DNM3: variants seen among roughly 807,000 people sequenced by gnomAD.
DNM3 encodes dynamin 3.
DNM3 carries 47 observed loss-of-function variants against 101.6 expected under a neutral mutation model. That is an observed-to-expected ratio of 0.46 (90% CI 0.37 to 0.59). DNM3 has a LOEUF of 0.59. DNM3 is among the 20% of genes least tolerant of loss of function. The probability of loss-of-function intolerance (pLI) is 0.00; values close to 1 mark genes in which losing one functional copy is unlikely to be tolerated. For synonymous variants in DNM3, 385 were observed against 387.9 expected, an observed-to-expected ratio of 0.99 and a Z score of 0.09; for missense variants, 849 against 1,085.7, an observed-to-expected ratio of 0.78 and a Z score of 3.06.
chr1:171,968,855 T>C (rs1042619052), intron 2 of DNM3, among the ~76,000 whole-genome samples: 1 of 152,208 alleles, frequency 6.6e-6, no homozygotes, highest in African/African-American at 2.4e-5. Flanking sequence ...GATTGCTATA[T>C]AAAGGTGCAT....
intron 10 of DNM3, among the ~76,000 whole-genome samples, chr1:172,058,823 G>A (rs2050881950): frequency 6.6e-6 from 1 of 151,768 alleles, no homozygotes; most frequent in African/African-American, 2.4e-5. Flanking sequence ...AAAGCTAGCA[G>A]AAGGCAAGAA....
chr1:172,210,649 A>G (rs1479050900), intron 14 of DNM3, among the ~76,000 whole-genome samples: 1 of 152,188 alleles, frequency 6.6e-6, no homozygotes, highest in Non-Finnish European at 1.5e-5. Context: ...AATGTGAAAC[A>G]AAACACTAAG....
At chr1:172,173,598 G>T (rs1192316219) in intron 14 of DNM3, among the ~76,000 whole-genome samples, 1 of 150,970 alleles carries the variant, frequency 6.6e-6, no homozygotes, top group African/African-American at 2.4e-5. Context: ...CAAAGCACTG[G>T]GATTATAGGC....
At chr1:172,278,155 G>C (rs144344759) in intron 15 of DNM3, among the ~76,000 whole-genome samples, 1 of 152,140 alleles carries the variant, frequency 6.6e-6, no homozygotes, top group African/African-American at 2.4e-5. Context: ...AAATGACAAA[G>C]CACTTATGAA....
chr1:172,372,004 T>C (rs1000524680), intron 17 of DNM3, among the ~76,000 whole-genome samples: 1 of 149,162 alleles, frequency 6.7e-6, no homozygotes, highest in Non-Finnish European at 1.5e-5. Flanking sequence ...CATGCTGGTG[T>C]GCTGCACCCA....
rs754885380 is a variant in DNM3, at chr1:172,379,003, TTTCTC to T, written c.1894-10_1894-6del. 5.6e-6 allele frequency: 9 copies of T among 1,605,108 alleles called. No homozygotes were observed. In the Admixed American group the frequency reaches 1.4e-4, roughly 24 times the overall value. On this transcript the variant is annotated splice_polypyrimidine_tract_variant and intron_variant, in intron 17 of 20. Coordinates refer to ENST00000627582, the MANE Select transcript of DNM3 (RefSeq NM_015569.5). ...GAATATGAGATAATCCATGGTTTGTTTTCTCTTCTTTTAGGCTGAAAATGATGAGA... is the reference window on the plus strand; with the variant it reads ...GAATATGAGATAATCCATGGTTTGTTTTCTTTTAGGCTGAAAATGATGAGA...
chr1:171,988,466 G>A (rs1225640281), intron 3 of DNM3, among the ~76,000 whole-genome samples: 1 of 151,910 alleles, frequency 6.6e-6, no homozygotes, highest in East Asian at 1.9e-4. Context: ...TTGTACAGCT[G>A]ATTCAGTAAA....
intron 15 of DNM3, among the ~76,000 whole-genome samples, chr1:172,305,407 A>T (rs2064749869): frequency 6.6e-6 from 1 of 152,220 alleles, no homozygotes; most frequent in African/African-American, 2.4e-5. Flanking sequence ...TACCAACCAA[A>T]AAAGTCCAAA....
chr1:172,029,351 A>T (rs1208310622), intron 4 of DNM3, among the ~76,000 whole-genome samples: 1 of 152,192 alleles, frequency 6.6e-6, no homozygotes, highest in African/African-American at 2.4e-5. Flanking sequence ...TACAAAATTC[A>T]ACATCCCTTC....
At chr1:171,905,165 A>G (rs2038715579) in intron 1 of DNM3, among the ~76,000 whole-genome samples, 1 of 152,200 alleles carries the variant, frequency 6.6e-6, no homozygotes, top group Admixed American at 6.5e-5. Flanking sequence ...ATGTGCGTAC[A>G]TTCATTCATA....
At chr1:172,093,038 T>C (rs944213714) in intron 13 of DNM3, among the ~76,000 whole-genome samples, 163 bp downstream of exon 13, 2 of 152,212 alleles carry the variant, frequency 1.3e-5, no homozygotes, top group Admixed American at 1.3e-4. Context: ...TGGAGTGAAT[T>C]GCATTTCTTT....
At chr1:172,236,313 T>TA (rs898367846) in intron 14 of DNM3, among the ~76,000 whole-genome samples, 39 of 152,108 alleles carry the variant, frequency 2.6e-4, no homozygotes, top group Non-Finnish European at 4.1e-4. Flanking sequence ...GAAGAACCTA[T>TA]AAAAAATAAT....
chr1:172,273,554 G>T (rs2063162889), intron 15 of DNM3, among the ~76,000 whole-genome samples: 1 of 152,048 alleles, frequency 6.6e-6, no homozygotes, highest in African/African-American at 2.4e-5. Context: ...GGTTAACAAA[G>T]ATTATAGCAA....
chr1:172,082,054 A>T (rs1572426040), intron 12 of DNM3, among the ~76,000 whole-genome samples, 152 bp downstream of exon 12: 1 of 152,218 alleles, frequency 6.6e-6, no homozygotes, highest in African/African-American at 2.4e-5. Flanking sequence ...TCTGAGCTCC[A>T]TGGTCGTAGG....
intron 11 of DNM3, among the ~76,000 whole-genome samples, chr1:172,071,231 A>G (rs1307098723): frequency 6.6e-6 from 1 of 151,380 alleles, no homozygotes; most frequent in Non-Finnish European, 1.5e-5. Flanking sequence ...AATTGTTTTC[A>G]ATCTGCAACT....
intron 17 of DNM3, 146 bp downstream of exon 17, chr1:172,323,486 GA>G (rs1457659167): frequency 1.2e-5 from 11 of 954,610 alleles, no homozygotes; most frequent in African/African-American, 1.7e-5. Flanking sequence ...AAATTTGGGG[GA>G]AAATGTGCAT....
chr1:172,045,525 C>T lies in DNM3; in HGVS notation c.1196+1073C>T, dbSNP rs2049724691. 2.6e-5 allele frequency among the ~76,000 whole-genome samples: 4 copies of T among 152,224 alleles called. No homozygotes were observed. The South Asian group carries it at 8.3e-4, about 32-fold the overall frequency. ...ATGATGTAATTACCTCCCAAAGGCC[C>T]TACCTCCTACTACCATCACATTGAA... On this transcript the variant is annotated intron_variant, in intron 9 of 20. Transcript: ENST00000627582.
chr1:172,261,709 G>A (rs1426851286), intron 15 of DNM3, among the ~76,000 whole-genome samples: 1 of 152,252 alleles, frequency 6.6e-6, no homozygotes, highest in Non-Finnish European at 1.5e-5. Context: ...CACCCCTGTG[G>A]TAGCAGTGGC....
At chr1:172,346,325 C>T (rs1352199784) in intron 17 of DNM3, among the ~76,000 whole-genome samples, 3 of 152,080 alleles carry the variant, frequency 2.0e-5, no homozygotes, top group Non-Finnish European at 4.4e-5. Flanking sequence ...AGGTCCATAG[C>T]TATGGCTGCA....
Sources: allele counts gnomAD v4.1 joint callset (sites outside exome capture counted in the v4.1 genomes callset), GRCh38; gene constraint gnomAD v4.1.1; transcripts MANE v1.5; gene names NCBI Gene and HGNC (gene_info 2026-07-23, HGNC 2026-07-21).